Variants in ARHGAP5 observed in about 807,000 individuals in gnomAD.
ARHGAP5 encodes the protein Rho GTPase activating protein 5, also known as rho GTPase-activating protein 5.
ARHGAP5 carries 23 observed loss-of-function variants against 116.6 expected under a neutral mutation model. The ratio of observed to expected loss-of-function variants is 0.20; its 90% CI spans 0.14 to 0.28. The LOEUF (loss-of-function observed/expected upper bound fraction) is 0.28. Among genes scored for constraint, ARHGAP5 ranks in the 10% least tolerant of loss-of-function variants. ARHGAP5 has a pLI of 1.00. For synonymous variants in ARHGAP5, 574 were observed against 602.0 expected, an observed-to-expected ratio of 0.95 and a Z score of 0.68; for missense variants, 1,405 against 1,774.8, an observed-to-expected ratio of 0.79 and a Z score of 3.74.
intron 2 of ARHGAP5, among the ~76,000 whole-genome samples, chr14:32,094,723 C>A (rs149088090): frequency 6.6e-6 from 1 of 151,908 alleles, no homozygotes; most frequent in Non-Finnish European, 1.5e-5. Flanking sequence ...ACCAGTTTTG[C>A]GGTATTAATT....
At chr14:32,123,458 A>T (rs1428423292) in intron 3 of ARHGAP5, among the ~76,000 whole-genome samples, 1 of 151,860 alleles carries the variant, frequency 6.6e-6, no homozygotes, top group Non-Finnish European at 1.5e-5. Flanking sequence ...TCCTGTGTAT[A>T]TATGTCTTTG....
At chr14:32,139,469 T>C (rs1335960133) in intron 3 of ARHGAP5, among the ~76,000 whole-genome samples, 2 of 152,134 alleles carry the variant, frequency 1.3e-5, no homozygotes, top group African/African-American at 2.4e-5. Flanking sequence ...GTTTATTTCA[T>C]TTAACTTACC....
intron 3 of ARHGAP5, among the ~76,000 whole-genome samples, chr14:32,128,068 T>C (rs1209586774): frequency 1.4e-5 from 2 of 143,430 alleles, no homozygotes; most frequent in African/African-American, 2.7e-5. Context: ...GCAGAGGCGC[T>C]CCTCACATCC....
At chr14:32,136,633 A>G (rs551713349) in intron 3 of ARHGAP5, among the ~76,000 whole-genome samples, 1 of 152,302 alleles carries the variant, frequency 6.6e-6, no homozygotes, top group South Asian at 2.1e-4. Context: ...TAGGAGTGGA[A>G]TTGCTGGATC....
intron 2 of ARHGAP5, among the ~76,000 whole-genome samples, chr14:32,095,433 A>G (rs1878478369): frequency 2.4e-5 from 3 of 124,762 alleles, no homozygotes; most frequent in African/African-American, 6.2e-5. Flanking sequence ...TTTTTTTGAG[A>G]TGGAGTTTCG....
At chr14:32,111,355 G>A (rs1215668330) in intron 2 of ARHGAP5, among the ~76,000 whole-genome samples, 5 of 152,220 alleles carry the variant, frequency 3.3e-5, no homozygotes, top group African/African-American at 4.8e-5. Flanking sequence ...AGACTAAAAA[G>A]GGGAGAGCAA....
At chr14:32,111,799 A>T in intron 2 of ARHGAP5, among the ~76,000 whole-genome samples, 1 of 141,158 alleles carries the variant, frequency 7.1e-6, no homozygotes, top group Non-Finnish European at 1.5e-5. Flanking sequence ...TTTTTCTTTC[A>T]GTTTATTTAC....
At chr14:32,133,379 C>T (rs898563908) in intron 3 of ARHGAP5, among the ~76,000 whole-genome samples, 1 of 152,020 alleles carries the variant, frequency 6.6e-6, no homozygotes, top group Non-Finnish European at 1.5e-5. Context: ...TGATTTGGCT[C>T]TCTGTCTGTT....
At chr14:32,108,876 A>C (rs1367204239) in intron 2 of ARHGAP5, among the ~76,000 whole-genome samples, 2 of 152,130 alleles carry the variant, frequency 1.3e-5, no homozygotes, top group Non-Finnish European at 2.9e-5. Flanking sequence ...TGTATGTGTG[A>C]ATCTATTAAA....
intron 3 of ARHGAP5, among the ~76,000 whole-genome samples, chr14:32,145,106 G>A (rs186898739): frequency 8.3e-4 from 126 of 152,300 alleles, no homozygotes; most frequent in African/African-American, 2.6e-3. Context: ...CACCAGCAGG[G>A]GAGGAGGGCT....
rs759492227 is a variant in ARHGAP5 at position 32,117,209 on chromosome 14, C to T, written c.3787C>T (p.Pro1263Ser). ...RNWESNYFGM[P>S]LQDLVTAEKP... ...TTGGGAAAGTAATTACTTTGGGATG[C>T]CCCTCCAGGATCTGGTTACAGCTGA... Residue 1263 changes from proline to serine, a missense_variant, in exon 3 of 7, where the codon CCC becomes TCC. By Grantham distance (74) the Pro-to-Ser change is moderately conservative. Around this residue, in one of 6 missense-constraint regions of ARHGAP5, gnomAD observed 176 missense variants for 221.2 expected, o/e 0.80. Coordinates refer to ENST00000345122, the MANE Select transcript of ARHGAP5 (RefSeq NM_001030055.2). The T allele has an allele frequency of 4.3e-6, 7 of 1,611,894 alleles. No homozygotes were observed. The South Asian group carries it at 4.4e-5, about 10-fold the overall frequency.
intron 3 of ARHGAP5, 74 bp downstream of exon 3, chr14:32,117,361 T>C: frequency 7.4e-7 from 1 of 1,345,198 alleles, no homozygotes; most frequent in Non-Finnish European, 1.0e-6. Context: ...TTGTCAAATG[T>C]TTGTGATTTG....
In ARHGAP5 at chr14:32,116,718, A is replaced by T. The variant is rs545886270; in HGVS notation, c.3718-422A>T. ...ATATAGCATCATTATGCAATCAATA[A>T]TTAGAGCTCTTACGTTCTTACAAAT... On this transcript the variant is annotated intron_variant, in intron 2 of 6. Transcript: ENST00000345122. Among the ~76,000 whole-genome samples the T allele has an allele frequency of 1.4e-4, 21 of 152,332 alleles. No individual in the cohort carries two copies. In the South Asian group the frequency reaches 4.4e-3, roughly 32 times the overall value.
chr14:32,149,192 C>G (rs1490055640), intron 4 of ARHGAP5, among the ~76,000 whole-genome samples: 1 of 145,948 alleles, frequency 6.9e-6, no homozygotes, highest in African/African-American at 2.5e-5. Context: ...TTTTTTTCCT[C>G]CTCCAAAGAA....
chr14:32,151,733 G>A (rs1881646407), intron 5 of ARHGAP5, among the ~76,000 whole-genome samples: 1 of 152,220 alleles, frequency 6.6e-6, no homozygotes, highest in Admixed American at 6.5e-5. Flanking sequence ...TAGCATAAAT[G>A]TTAAGAGCCT....
At position 32,132,034 on chromosome 14, in the gene ARHGAP5, G is replaced by A. The variant is rs113441256; in HGVS notation, c.3866-14229G>A. 3.3e-3 allele frequency among the ~76,000 whole-genome samples: 504 copies of A among 152,198 alleles called. 1 individual carries two copies. Among genetic ancestry groups the A allele is most frequent in the African/African-American group, 9.7e-3 (402 of 41,514 alleles). On this transcript the variant is annotated intron_variant, in intron 3 of 6. Transcript: ENST00000345122. ...AGTCTTTGCTATTGTGAATAGTGCC[G>A]CAATAAACATACAGGTGCATGTGTC...
chr14:32,153,196 C>G (rs557646137), intron 6 of ARHGAP5, among the ~76,000 whole-genome samples: 1 of 150,004 alleles, frequency 6.7e-6, no homozygotes, highest in Non-Finnish European at 1.5e-5. Context: ...TTCTTATAAC[C>G]TTTCCCTGAG....
chr14:32,125,526 C>G (rs1433035206), intron 3 of ARHGAP5, among the ~76,000 whole-genome samples: 1 of 152,118 alleles, frequency 6.6e-6, no homozygotes, highest in Admixed American at 6.6e-5. Context: ...TATGGTAATT[C>G]TGTGTTTAAC....
intron 2 of ARHGAP5, among the ~76,000 whole-genome samples, chr14:32,106,244 C>A (rs544054617): frequency 3.2e-4 from 48 of 152,260 alleles, no homozygotes; most frequent in African/African-American, 1.1e-3. Flanking sequence ...CCTCAGCCTC[C>A]TGAGTATCTG....
Sources: gnomAD v4.1 joint callset for allele counts (sites outside exome capture counted in the v4.1 genomes callset) on GRCh38, gnomAD v4.1.1 for gene constraint, gnomAD v4.1.1 regional missense constraint, MANE v1.5 for transcripts, NCBI Gene and HGNC (gene_info 2026-07-23, HGNC 2026-07-21) for gene names.